EXTL3: variants seen among roughly 807,000 people sequenced by gnomAD.
EXTL3 encodes exostosin like glycosyltransferase 3.
In EXTL3, 27 loss-of-function variants were observed where a neutral mutation model predicts 69.3. The observed-to-expected ratio is 0.39, with a 90% CI of 0.29 to 0.54. The LOEUF is 0.54. EXTL3 is among the 20% of genes least tolerant of loss of function. The pLI, the probability that EXTL3 is intolerant of heterozygous loss-of-function variation, is 0.69. For synonymous variants in EXTL3, 511 were observed against 499.4 expected (o/e 1.02, Z -0.31); for missense variants, 1,003 against 1,231.8 (o/e 0.81, Z 2.78).
chr8:28,637,322 C>T (rs1806672493), intron 1 of EXTL3: 1 of 152,346 alleles, frequency 6.6e-6, no homozygotes, highest in Admixed American at 6.6e-5. Context: ...ACCGCATTCC[C>T]CTTAAACCTC....
chr8:28,612,958 T>G (rs11136050), intron 2 of EXTL3, among the ~76,000 whole-genome samples: 43,806 of 151,874 alleles, frequency 0.29, 6,490 homozygotes, highest in African/African-American at 0.33. Flanking sequence ...AGCTTATGTG[T>G]TCCTCCTGCC....
chr8:28,713,324 C>G (rs1404912764), intron 1 of EXTL3, 133 bp from the exon 2 acceptor site: 1 of 576,570 alleles, frequency 1.7e-6, no homozygotes, highest in Non-Finnish European at 3.0e-6. Context: ...TATTTGGTGA[C>G]CTCATGTACA....
chr8:28,730,039 G>A (rs1490653862), intron 3 of EXTL3: 2 of 152,090 alleles, frequency 1.3e-5, no homozygotes, highest in African/African-American at 4.8e-5. Flanking sequence ...TCTGCATTAA[G>A]AATATAGAAT....
chr8:28,713,906 T>TC (rs1200290366), intron 2 of EXTL3, among the ~76,000 whole-genome samples: 149 of 145,734 alleles, frequency 1.0e-3, no homozygotes, highest in Non-Finnish European at 1.2e-3. Flanking sequence ...TTTCTTTCTT[T>TC]TTTTTTTTTT....
chr8:28,676,100 G>T (rs572562446), intron 1 of EXTL3, among the ~76,000 whole-genome samples: 1 of 151,792 alleles, frequency 6.6e-6, no homozygotes, highest in Admixed American at 6.6e-5. Context: ...TAGACTCAAA[G>T]GTGGTCCACG....
intron 3 of EXTL3, among the ~76,000 whole-genome samples, chr8:28,729,453 A>AG (rs1045314444): frequency 6.9e-6 from 1 of 145,734 alleles, no homozygotes; most frequent in African/African-American, 2.6e-5. Flanking sequence ...AAAAATAGCC[A>AG]GGCGTGGTGG....
intron 3 of EXTL3, among the ~76,000 whole-genome samples, chr8:28,725,989 T>G (rs1340127134): frequency 6.7e-6 from 1 of 149,550 alleles, no homozygotes; most frequent in East Asian, 2.0e-4. Flanking sequence ...GGAGTCTCGC[T>G]CTCTCACCCA....
At chr8:28,701,287 G>GA (rs1187408513), upstream of EXTL3, 4 of 152,282 alleles carry the variant, frequency 2.6e-5, no homozygotes, top group African/African-American at 7.2e-5. Context: ...CGCGAGTTGG[G>GA]GGGCTCCGAA....
intron 2 of EXTL3, among the ~76,000 whole-genome samples, chr8:28,615,597 T>C (rs1806321010): frequency 6.6e-6 from 1 of 152,174 alleles, no homozygotes; most frequent in South Asian, 2.1e-4. Flanking sequence ...AGATGGAGCC[T>C]TGCTCTGTCA....
intron 1 of EXTL3, among the ~76,000 whole-genome samples, chr8:28,681,926 G>A (rs1807496639): frequency 6.6e-6 from 1 of 152,178 alleles, no homozygotes; most frequent in Non-Finnish European, 1.5e-5. Flanking sequence ...GGTGGCACAT[G>A]CCTGTAGTCC....
At chr8:28,713,902 T>TC (rs1379354966) in intron 2 of EXTL3, among the ~76,000 whole-genome samples, 1 of 143,688 alleles carries the variant, frequency 7.0e-6, no homozygotes, top group Non-Finnish European at 1.5e-5. Context: ...TTTCTTTCTT[T>TC]CTTTTTTTTT....
chr8:28,722,107 G>A lies in EXTL3; in HGVS notation c.2148+3900G>A, dbSNP rs571895445. Among the ~76,000 whole-genome samples the A allele has an allele frequency of 6.6e-5, 10 of 152,292 alleles. No individual in the cohort carries two copies. The East Asian group carries it at 1.9e-3, about 29-fold the overall frequency. On this transcript the variant is annotated intron_variant, in intron 3 of 6. Coordinates refer to ENST00000220562, the MANE Select transcript of EXTL3 (RefSeq NM_001440.4). ...AAGCCTGAATGAAGCGAGAGAGGAG[G>A]CCATGTAAATTCTGGAGGGATGTAT...
intron 1 of EXTL3, among the ~76,000 whole-genome samples, chr8:28,713,058 G>A (rs975173378): frequency 2.0e-4 from 30 of 152,180 alleles, no homozygotes; most frequent in South Asian, 2.1e-4. Context: ...AACATTCCCC[G>A]CCACCCTCAT....
intron 1 of EXTL3, among the ~76,000 whole-genome samples, chr8:28,665,425 T>TTG (rs1432514375): frequency 6.7e-6 from 1 of 148,480 alleles, no homozygotes; most frequent in African/African-American, 2.5e-5. Context: ...ACTTTTTTTT[T>TTG]TTTTTTTTTT....
At chr8:28,748,821 A>G (rs1290971004) in intron 6 of EXTL3, among the ~76,000 whole-genome samples, 1 of 152,074 alleles carries the variant, frequency 6.6e-6, no homozygotes, top group Non-Finnish European at 1.5e-5. Context: ...TGAAATCTAG[A>G]CCCAGGGCCA....
At chr8:28,710,680 A>G (rs1047635714) in intron 1 of EXTL3, among the ~76,000 whole-genome samples, 3 of 139,026 alleles carry the variant, frequency 2.2e-5, no homozygotes, top group African/African-American at 8.2e-5. Context: ...CTCCCACCTC[A>G]GCCTCTAGTA....
chr8:28,673,671 G>A (rs1807335347), intron 1 of EXTL3, among the ~76,000 whole-genome samples: 1 of 152,106 alleles, frequency 6.6e-6, no homozygotes, highest in South Asian at 2.1e-4. Context: ...TTTTCATTGT[G>A]TCTTTGAGAG....
intron 1 of EXTL3, among the ~76,000 whole-genome samples, chr8:28,665,472 T>C (rs930835135): frequency 1.4e-5 from 2 of 147,006 alleles, no homozygotes; most frequent in African/African-American, 5.1e-5. Context: ...CTGGCTGGAG[T>C]GTGGTCATGG....
At chr8:28,673,370 C>A (rs1171554244) in intron 1 of EXTL3, among the ~76,000 whole-genome samples, 1 of 152,162 alleles carries the variant, frequency 6.6e-6, no homozygotes, top group East Asian at 1.9e-4. Flanking sequence ...AAGTAGATTG[C>A]CTTCCCTAAT....
Sources: allele counts gnomAD v4.1 joint callset (sites outside exome capture counted in the v4.1 genomes callset), GRCh38; gene constraint gnomAD v4.1.1; transcripts MANE v1.5; gene names NCBI Gene and HGNC (gene_info 2026-07-23, HGNC 2026-07-21).